The following OLFM3 variants were observed in gnomAD, a reference collection of about 807,000 sequenced individuals.
OLFM3 encodes olfactomedin 3, also known as noelin-3.
Under a neutral mutation model 48.6 loss-of-function variants are expected in OLFM3, and 20 were observed. The ratio of observed to expected loss-of-function variants is 0.41; its 90% CI spans 0.29 to 0.60. The LOEUF is 0.60. OLFM3 is among the 20% of genes least tolerant of loss of function. The pLI is 0.28. For missense variants in OLFM3, 437 were observed against 544.3 expected, an observed-to-expected ratio of 0.80 and a Z score of 1.96; for synonymous variants, 222 against 198.1, an observed-to-expected ratio of 1.12 and a Z score of -1.01.
intron 1 of OLFM3, among the ~76,000 whole-genome samples, chr1:101,848,933 A>G (rs774110814): frequency 1.4e-4 from 21 of 152,182 alleles, no homozygotes; most frequent in Admixed American, 2.0e-4. Context: ...TTAGAAGAAT[A>G]TAAGATTGAA....
intron 1 of OLFM3, among the ~76,000 whole-genome samples, chr1:101,943,453 T>C (rs1659854157): frequency 6.6e-6 from 1 of 152,220 alleles, no homozygotes; most frequent in African/African-American, 2.4e-5. Context: ...GTCCATTTAC[T>C]GGCACAAACG....
intron 1 of OLFM3, among the ~76,000 whole-genome samples, chr1:101,860,802 G>A (rs1656622209): frequency 6.6e-6 from 1 of 152,000 alleles, no homozygotes; most frequent in African/African-American, 2.4e-5. Context: ...ACTTTAGTGG[G>A]ATTGAGAGGT....
At chr1:101,908,788 G>A (rs1473371182) in intron 1 of OLFM3, among the ~76,000 whole-genome samples, 1 of 152,128 alleles carries the variant, frequency 6.6e-6, no homozygotes, top group East Asian at 1.9e-4. Flanking sequence ...GAGCCAGTGT[G>A]ACCCAAAGCA....
At chr1:101,911,298 G>A (rs970997872) in intron 1 of OLFM3, among the ~76,000 whole-genome samples, 2 of 152,090 alleles carry the variant, frequency 1.3e-5, no homozygotes, top group African/African-American at 4.8e-5. Context: ...AACTTACACA[G>A]AAAAAGTAAT....
At chr1:101,870,793 T>C (rs1657050776) in intron 1 of OLFM3, among the ~76,000 whole-genome samples, 1 of 152,044 alleles carries the variant, frequency 6.6e-6, no homozygotes, top group Admixed American at 6.6e-5. Flanking sequence ...TTTTAAAATA[T>C]CCATATGCTG....
At chr1:101,965,336 A>G (rs1660578521) in intron 1 of OLFM3, among the ~76,000 whole-genome samples, 1 of 152,244 alleles carries the variant, frequency 6.6e-6, no homozygotes, top group South Asian at 2.1e-4. Flanking sequence ...AGAATAGGAC[A>G]AAGATTTCGA....
chr1:101,833,329 T>G, intron 2 of OLFM3, among the ~76,000 whole-genome samples: 1 of 152,250 alleles, frequency 6.6e-6, no homozygotes, highest in East Asian at 1.9e-4. Flanking sequence ...AGCTGTCTAA[T>G]TGGCCAGGAT....
chr1:101,815,675 G>A (rs1217913841), intron 4 of OLFM3, among the ~76,000 whole-genome samples: 1 of 152,162 alleles, frequency 6.6e-6, no homozygotes, highest in African/African-American at 2.4e-5. Context: ...AGATTGTAGT[G>A]TCATTTACTC....
intron 1 of OLFM3, among the ~76,000 whole-genome samples, chr1:101,909,477 G>A (rs1658674372): frequency 6.6e-6 from 1 of 152,092 alleles, no homozygotes; most frequent in African/African-American, 2.4e-5. Flanking sequence ...TGTTTGGGCT[G>A]GAACTTAACT....
At chr1:101,852,084 C>T (rs910264067) in intron 1 of OLFM3, among the ~76,000 whole-genome samples, 2 of 152,036 alleles carry the variant, frequency 1.3e-5, no homozygotes, top group Non-Finnish European at 2.9e-5. Context: ...ATAAATTTTC[C>T]CTCTTTAGCA....
chr1:101,878,389 A>G (rs1295106758), intron 1 of OLFM3, among the ~76,000 whole-genome samples: 1 of 151,948 alleles, frequency 6.6e-6, no homozygotes, highest in Non-Finnish European at 1.5e-5. Flanking sequence ...CTTACTATGT[A>G]GAGTCCACAA....
Position 101,970,653 on chromosome 1 carries a change from C to A in OLFM3, c.69+26095G>T, listed in dbSNP as rs540931413. 3.3e-5 allele frequency among the ~76,000 whole-genome samples: 5 copies of A among 152,310 alleles called. No individual in the cohort carries two copies. The South Asian group carries it at 6.2e-4, about 19-fold the overall frequency. On this transcript the variant is annotated intron_variant, in intron 1 of 5. Coordinates refer to ENST00000370103, the MANE Select transcript of OLFM3 (RefSeq NM_058170.4). ...TTGTCTTTTAGATCCTCACCTTCTACTGGGGAGACAAACACAAACATAGTT... is the reference window on the plus strand; with the variant it reads ...TTGTCTTTTAGATCCTCACCTTCTAATGGGGAGACAAACACAAACATAGTT...
intron 2 of OLFM3, 68 bp from the exon 3 acceptor site, chr1:101,830,895 G>A: frequency 7.0e-7 from 1 of 1,419,256 alleles, no homozygotes. Flanking sequence ...CTAAGAAATA[G>A]CAAAAATGCC....
intron 1 of OLFM3, among the ~76,000 whole-genome samples, chr1:101,861,862 C>A (rs2100964139): frequency 6.6e-6 from 1 of 152,230 alleles, no homozygotes; most frequent in African/African-American, 2.4e-5. Flanking sequence ...CAAGGTACAC[C>A]AAAGGCATAC....
chr1:101,859,838 A>C (rs1570569835), intron 1 of OLFM3: 1 of 152,264 alleles, frequency 6.6e-6, no homozygotes, highest in East Asian at 1.9e-4. Flanking sequence ...TTGATTCAGA[A>C]GTTGGGAATA....
intron 4 of OLFM3, among the ~76,000 whole-genome samples, chr1:101,811,439 A>C (rs2100869665): frequency 6.6e-6 from 1 of 152,274 alleles, no homozygotes; most frequent in Non-Finnish European, 1.5e-5. Flanking sequence ...CAATCTACTC[A>C]TCTGAAAAAA....
At chr1:101,948,296 G>A (rs1196224370) in intron 1 of OLFM3, among the ~76,000 whole-genome samples, 1 of 151,998 alleles carries the variant, frequency 6.6e-6, no homozygotes, top group Non-Finnish European at 1.5e-5. Flanking sequence ...TTATTACATT[G>A]ATTAATTGGA....
At chr1:101,979,418 G>A (rs1485180312) in intron 1 of OLFM3, among the ~76,000 whole-genome samples, 2 of 152,144 alleles carry the variant, frequency 1.3e-5, no homozygotes, top group African/African-American at 2.4e-5. Flanking sequence ...GATCATGGGG[G>A]CGGTTTCTCC....
chr1:101,872,900 G>T (rs1657140394), intron 1 of OLFM3, among the ~76,000 whole-genome samples: 1 of 113,346 alleles, frequency 8.8e-6, no homozygotes, highest in South Asian at 2.5e-4. Context: ...GTTAGTTTTA[G>T]GAAAAAAAGG....
Sources: gnomAD v4.1 joint callset for allele counts (sites outside exome capture counted in the v4.1 genomes callset) on GRCh38, gnomAD v4.1.1 for gene constraint, MANE v1.5 for transcripts, NCBI Gene and HGNC (gene_info 2026-07-23, HGNC 2026-07-21) for gene names.